RBMS2: variants seen among roughly 807,000 people sequenced by gnomAD.
The protein encoded by RBMS2 is RNA-binding motif, single-stranded-interacting protein 2.
In RBMS2, 38 loss-of-function variants were observed where a neutral mutation model predicts 58.4. The observed-to-expected ratio is 0.65, with a 90% confidence interval of 0.50 to 0.85. The LOEUF is 0.85. RBMS2 is among the 40% of genes least tolerant of loss of function. The pLI is 0.00. For synonymous variants in RBMS2, 151 were observed against 180.7 expected, an observed-to-expected ratio of 0.84 and a Z score of 1.32; for missense variants, 367 against 503.7, an observed-to-expected ratio of 0.73 and a Z score of 2.60.
At chr12:56,542,313 C>T (rs993827984) in intron 1 of RBMS2, among the ~76,000 whole-genome samples, 5 of 151,682 alleles carry the variant, frequency 3.3e-5, no homozygotes, top group Admixed American at 2.6e-4. Flanking sequence ...GATCTTCCCA[C>T]CTTGGCCTCC....
intron 1 of RBMS2, among the ~76,000 whole-genome samples, chr12:56,561,763 C>CA (rs1880448361): frequency 2.6e-5 from 1 of 38,344 alleles, no homozygotes; most frequent in African/African-American, 5.1e-5. Context: ...GATCCACCCC[C>CA]CCCCTCCTTG....
Position 56,586,921 on chromosome 12 carries a change from C to G in RBMS2, c.946C>G (p.Pro316Ala), listed in dbSNP as rs1001477956. 1 of 1,612,234 alleles carries G rather than the reference C, an allele frequency of 6.2e-7. No homozygotes were observed. Among genetic ancestry groups the G allele is most frequent in the South Asian group, 1.1e-5 (1 of 91,036 alleles). ...WMHHHSYLMQ[P>A]SGSVLTPGMD... ...GCACCACCATTCATACCTCATGCAG[C>G]CTTCAGTGAGTATTCAGAAGTGGGC... The change falls in exon 10 of 14, where the codon CCT becomes GCT. Residue 316 changes from proline (P) to alanine (A), a missense_variant. By Grantham distance (27) the Pro-to-Ala change is conservative (BLOSUM62 -1). Transcript: ENST00000262031.
rs1885767981 is a variant in RBMS2 at position 56,595,995 on chromosome 12, G to GAAA, written c.*6864_*6865insAAA. The GAAA allele has an allele frequency of 1.3e-5, 2 of 152,662 alleles. No individual in the cohort carries two copies. The highest frequency in any genetic ancestry group is 1.3e-4 in the Admixed American group (2 of 15,284). The allele number at this position is 152,662 out of a possible 1,614,324, so 9.5% of individuals were successfully genotyped here. A position where few individuals can be genotyped will look rare whatever the true frequency, so the allele number is the denominator to read the frequency against. On this transcript the variant is annotated 3_prime_UTR_variant, in exon 14 of 14. Coordinates refer to ENST00000262031, the MANE Select transcript of RBMS2 (RefSeq NM_002898.4). ...GCACTTTTCTACAGCTGCACTTGTGGAACATCACATGGCAAAAACAGGAGT... is the reference window on the plus strand; with the variant it reads ...GCACTTTTCTACAGCTGCACTTGTGGAAAAACATCACATGGCAAAAACAGGAGT...
chr12:56,587,145 T>A (rs2136597981), intron 10 of RBMS2, among the ~76,000 whole-genome samples: 1 of 151,882 alleles, frequency 6.6e-6, no homozygotes, highest in Middle Eastern at 3.4e-3. Context: ...CGGGTGCCTG[T>A]AATCCCAGCT....
chr12:56,563,669 G>A (rs900740779), intron 2 of RBMS2, among the ~76,000 whole-genome samples: 14 of 152,178 alleles, frequency 9.2e-5, no homozygotes, highest in South Asian at 2.1e-4. Flanking sequence ...CGGGCGTGGT[G>A]GCTCACACCT....
At chr12:56,521,008 G>A (rs1006339221), upstream of RBMS2, among the ~76,000 whole-genome samples, 2 of 152,184 alleles carry the variant, frequency 1.3e-5, no homozygotes, top group African/African-American at 2.4e-5. Context: ...GGAGTGAGGG[G>A]CATCAGCCCA....
intron 3 of RBMS2, among the ~76,000 whole-genome samples, chr12:56,569,377 TTGG>T (rs1881911571): frequency 6.6e-6 from 1 of 152,046 alleles, no homozygotes; most frequent in African/African-American, 2.4e-5. Context: ...GGGGAGTGTT[TTGG>T]TGGGTGTTAT....
At chr12:56,586,694 T>C (rs1884719746) in intron 9 of RBMS2, among the ~76,000 whole-genome samples, 155 bp from the exon 10 acceptor site, 1 of 152,196 alleles carries the variant, frequency 6.6e-6, no homozygotes, top group Non-Finnish European at 1.5e-5. Context: ...TTTATTGAGT[T>C]TTAAGAATTG....
upstream of RBMS2, among the ~76,000 whole-genome samples, chr12:56,520,602 G>A (rs1005404178): frequency 1.3e-5 from 2 of 152,122 alleles, no homozygotes; most frequent in Admixed American, 6.5e-5. Flanking sequence ...TTAAGGTTAC[G>A]CCTACAAAGA....
At chr12:56,584,298 T>G (rs1884364642) in intron 9 of RBMS2, among the ~76,000 whole-genome samples, 1 of 151,512 alleles carries the variant, frequency 6.6e-6, no homozygotes, top group Admixed American at 6.6e-5. Flanking sequence ...CCAGGTGAGG[T>G]GGTGCGTGCC....
chr12:56,575,567 T>A, intron 5 of RBMS2, among the ~76,000 whole-genome samples: 1 of 137,918 alleles, frequency 7.3e-6, no homozygotes. Context: ...ACACCCCCCC[T>A]CAAAAAAAAA....
chr12:56,551,646 CAAGTTAA>C (rs761337300), intron 1 of RBMS2, among the ~76,000 whole-genome samples: 2 of 151,558 alleles, frequency 1.3e-5, no homozygotes, highest in Non-Finnish European at 2.9e-5. Context: ...GGCAGTCAGA[CAAGTTAA>C]GAGATATTAG....
chr12:56,545,655 A>C (rs1877026323), intron 1 of RBMS2, among the ~76,000 whole-genome samples: 1 of 152,152 alleles, frequency 6.6e-6, no homozygotes, highest in African/African-American at 2.4e-5. Flanking sequence ...TATTCTGGAC[A>C]TTTTATATAG....
chr12:56,557,094 A>AAG (rs1879364132), intron 1 of RBMS2, among the ~76,000 whole-genome samples: 1 of 152,080 alleles, frequency 6.6e-6, no homozygotes. Context: ...TCTCTTGTTG[A>AAG]AGAATTAGAA....
Position 56,531,867 on chromosome 12 carries a change from T to G in RBMS2, c.66+9778T>G, listed in dbSNP as rs1341177610. 4.6e-5 allele frequency among the ~76,000 whole-genome samples: 7 copies of G among 151,114 alleles called. No individual in the cohort carries two copies. In the Admixed American group the frequency reaches 4.6e-4, roughly 10 times the overall value. ...ATATTTTGTCGAATTATTTTGAGGA[T>G]TGGTAATGTTTATAATCACATATCA... On this transcript the variant is annotated intron_variant, in intron 1 of 13. Transcript: ENST00000262031.
At chr12:56,540,674 C>T (rs943373756) in intron 1 of RBMS2, among the ~76,000 whole-genome samples, 15 of 152,328 alleles carry the variant, frequency 9.8e-5, no homozygotes, top group African/African-American at 3.6e-4. Context: ...ATAACCACAC[C>T]TGGCTACCTG....
chr12:56,588,428 G>C lies in RBMS2; in HGVS notation c.1143+54G>C, dbSNP rs560525048. ...AGATTAGGAAAATGAACGGAGGCAG[G>C]TTTCCCCCTGATCAAGATCTTTCTC... On this transcript the variant is annotated intron_variant, in intron 12 of 13. Coordinates refer to ENST00000262031, the MANE Select transcript of RBMS2 (RefSeq NM_002898.4). 1.2e-5 allele frequency: 17 copies of C among 1,467,776 alleles called. No individual in the cohort carries two copies. In the East Asian group the frequency reaches 3.8e-4, roughly 33 times the overall value. 90.9% of individuals were successfully genotyped at this position (1,467,776 alleles called of 1,614,324 possible). A position where few individuals can be genotyped will look rare whatever the true frequency, so the allele number is the denominator to read the frequency against.
intron 9 of RBMS2, among the ~76,000 whole-genome samples, chr12:56,585,605 G>T (rs1350979193): frequency 6.6e-6 from 1 of 152,026 alleles, no homozygotes; most frequent in Non-Finnish European, 1.5e-5. Context: ...CCATTATATG[G>T]CTATACCACA....
chr12:56,530,268 T>C (rs1425796867), intron 1 of RBMS2, among the ~76,000 whole-genome samples: 2 of 151,720 alleles, frequency 1.3e-5, no homozygotes, highest in Non-Finnish European at 2.9e-5. Context: ...AGTAGAGTTG[T>C]TATTTTAAAA....
Sources: allele counts gnomAD v4.1 joint callset (sites outside exome capture counted in the v4.1 genomes callset), GRCh38; gene constraint gnomAD v4.1.1; transcripts MANE v1.5; gene names NCBI Gene and HGNC (gene_info 2026-07-23, HGNC 2026-07-21).